WDR38: variants seen among roughly 807,000 people sequenced by gnomAD.
The protein encoded by WDR38 is WD repeat-containing protein 38.
WDR38 carries 37 observed loss-of-function variants against 36.6 expected under a neutral mutation model. That is an observed-to-expected ratio of 1.01 (90% CI 0.78 to 1.33). The LOEUF (loss-of-function observed/expected upper bound fraction) is 1.33. WDR38 is among the 40% of genes most tolerant of loss of function. The pLI is 0.00. For synonymous variants in WDR38, 164 were observed against 168.1 expected (o/e 0.98, Z 0.19); for missense variants, 411 against 414.6 (o/e 0.99, Z 0.07).
At chr9:124,856,050 C>T (rs754023232) in intron 4 of WDR38, 92 bp downstream of exon 4, 3 of 1,560,510 alleles carry the variant, frequency 1.9e-6, no homozygotes, top group Non-Finnish European at 2.6e-6. Flanking sequence ...TCAAACCCTC[C>T]ACTGGTTCCC....
At chr9:124,857,075 C>G (rs183466348) in intron 7 of WDR38, among the ~76,000 whole-genome samples, 194 bp downstream of exon 7, 244 of 152,348 alleles carry the variant, frequency 1.6e-3, no homozygotes, top group African/African-American at 5.2e-3. Context: ...GTTGCATTGA[C>G]ATTTCCATGA....
chr9:124,854,929 T>C (rs1829008861), intron 2 of WDR38, among the ~76,000 whole-genome samples: 1 of 152,196 alleles, frequency 6.6e-6, no homozygotes. Flanking sequence ...GTGACACCAA[T>C]CTCCAGAGCT....
In WDR38 at chr9:124,854,213, T is replaced by C. The variant is rs1289544676; in HGVS notation, c.78T>C (p.Ser26=). Residue 26 remains serine (S), a synonymous_variant, in exon 2 of 9, where the codon TCT becomes TCC. Transcript: ENST00000373574. ...TTTTGTGCTGTTTCTAGGTCAACTC[T>C]TCTGCCTTCTCCCCTGATGGCCAGA... The part of the protein sequence containing the change: ...FFGQHGGEVN[S]SAFSPDGQML... The C allele has an allele frequency of 6.2e-7, 1 of 1,614,090 alleles. No individual in the cohort carries two copies. The highest frequency in any genetic ancestry group is 8.5e-7 in the Non-Finnish European group (1 of 1,179,958).
In WDR38 at chr9:124,854,286, C is replaced by T. The variant is rs1588029514; in HGVS notation, c.151C>T (p.Arg51Trp). The T allele has an allele frequency of 4.3e-6, 7 of 1,614,024 alleles. No individual in the cohort carries two copies. Among genetic ancestry groups the T allele is most frequent in the Non-Finnish European group, 5.9e-6 (7 of 1,179,970 alleles). ...EDGCVYGWET[R>W]SGQLLWRLGG... ...TGGCTGCGTGTATGGCTGGGAGACC[C>T]GGAGTGGGCAGCTGCTGTGGAGGCT... Residue 51 changes from arginine (R) to tryptophan (W), a missense_variant, in exon 2 of 9, where the codon CGG becomes TGG. Transcript: ENST00000373574.
chr9:124,856,889 C>A lies in WDR38; in HGVS notation c.768+8C>A. On this transcript the variant is annotated splice_region_variant and intron_variant, in intron 7 of 8. Coordinates refer to ENST00000373574, the MANE Select transcript of WDR38 (RefSeq NM_001045476.3). ...GCCGGCTATTCCCGCATGGTAACCA[C>A]CCCGGGCCCATCCTGCTCCTACCTA... 1 of 1,613,526 alleles carries A rather than the reference C, an allele frequency of 6.2e-7. No individual in the cohort carries two copies. Among genetic ancestry groups the A allele is most frequent in the Non-Finnish European group, 8.5e-7 (1 of 1,180,024 alleles).
In WDR38 at chr9:124,855,696, T is replaced by G. The variant is rs748299411; in HGVS notation, c.253T>G (p.Cys85Gly). The change falls in exon 3 of 9, where the codon TGC becomes GGC. Residue 85 changes from cysteine to glycine, a missense_variant. Cys to Gly is a radical substitution (Grantham distance 159). Coordinates refer to ENST00000373574, the MANE Select transcript of WDR38 (RefSeq NM_001045476.3). ...GHLFASASCD[C>G]TVRLWDVARA... is the part of the protein sequence containing the mutation. ...CCTCTTCGCCAGCGCCTCCTGTGAC[T>G]GCACTGTCCGCCTGTGGGATGTGGC... 6.2e-7 allele frequency: 1 copy of G among 1,613,360 alleles called. No homozygotes were observed. Among genetic ancestry groups the G allele is most frequent in the South Asian group, 1.1e-5 (1 of 91,086 alleles).
rs1017205370 is a variant in WDR38, at chr9:124,857,512, A to C, written c.827A>C (p.Asp276Ala). The change falls in exon 9 of 9, where the codon GAT becomes GCT. Residue 276 changes from aspartate to alanine, a missense_variant. Asp to Ala is a moderately radical substitution (Grantham distance 126). Transcript: ENST00000373574. Reference sequence around the variant, plus strand: ...TTCTACTCTTAGCAGGGAGTCCTGGATGTGGCCCACACCTGTGCCTTCACC... The same window carrying C: ...TTCTACTCTTAGCAGGGAGTCCTGGCTGTGGCCCACACCTGTGCCTTCACC... ...KCLETLKGVLDVAHTCAFTPD... is the reference protein window; with the variant it reads ...KCLETLKGVLAVAHTCAFTPD... 2 of 1,614,100 alleles carry C rather than the reference A, an allele frequency of 1.2e-6. No individual in the cohort carries two copies. The highest frequency in any genetic ancestry group is 8.5e-7 in the Non-Finnish European group (1 of 1,179,998).
In WDR38 at chr9:124,857,383, A is replaced by T. The variant is rs1829107654; in HGVS notation, c.788A>T (p.Asn263Ile). Reference protein sequence around the residue: ...YSRMVKVWDCNTGKCLETLKG... With the variant: ...YSRMVKVWDCITGKCLETLKG... ...TTCCAGGTCAAAGTCTGGGACTGCA[A>T]CACAGGAAAGTGCCTTGAGACCCTG... Residue 263 changes from asparagine to isoleucine, a missense_variant, in exon 8 of 9, where the codon AAC (asparagine) becomes ATC (isoleucine). Asn to Ile is a moderately radical substitution (Grantham distance 149). Coordinates refer to ENST00000373574, the MANE Select transcript of WDR38 (RefSeq NM_001045476.3). 3.1e-6 allele frequency: 5 copies of T among 1,613,980 alleles called. No individual in the cohort carries two copies. The highest frequency in any genetic ancestry group is 4.2e-6 in the Non-Finnish European group (5 of 1,180,020).
chr9:124,855,641 G>C lies in WDR38; in HGVS notation c.198G>C (p.Val66=). ...LWRLGGHTGP[V]KFCRFSPDGH... Reference sequence around the variant, plus strand: ...CTGTGGCCACCCGCCCAGGCCCCGTGAAGTTCTGCCGCTTCTCCCCTGATG... The same window carrying C: ...CTGTGGCCACCCGCCCAGGCCCCGTCAAGTTCTGCCGCTTCTCCCCTGATG... Residue 66 remains valine (V), a synonymous_variant, in exon 3 of 9, where the codon GTG becomes GTC. Coordinates refer to ENST00000373574, the MANE Select transcript of WDR38 (RefSeq NM_001045476.3). 3.1e-6 allele frequency: 5 copies of C among 1,610,262 alleles called. No individual in the cohort carries two copies. Among genetic ancestry groups the C allele is most frequent in the Non-Finnish European group, 4.2e-6 (5 of 1,180,018 alleles).
chr9:124,855,973 T>C lies in WDR38; in HGVS notation c.405+15T>C. 1 of 1,613,742 alleles carries C rather than the reference T, an allele frequency of 6.2e-7. No homozygotes were observed. The highest frequency in any genetic ancestry group is 8.5e-7 in the Non-Finnish European group (1 of 1,179,696). ...GGGATGTGCAGGTACGTTGAGGGGC[T>C]GGGGCCACCAGTCTGGGATTCAAGG... is the stretch of plus-strand genomic sequence containing the variant. On this transcript the variant is annotated intron_variant, in intron 4 of 8. Transcript: ENST00000373574.
Position 124,857,424 on chromosome 9 carries a change from G to A in WDR38, c.816+13G>A, listed in dbSNP as rs73591045. The A allele has an allele frequency of 2.8e-4, 456 of 1,614,152 alleles. 1 individual carries two copies. The African/African-American group carries it at 5.0e-3, about 18-fold the overall frequency. ...TGAGACCCTGAAGGTAAGGCACGGC[G>A]CTGTGGCACTGAGGAAGCTGTGGAC... On this transcript the variant is annotated intron_variant, in intron 8 of 8. Coordinates refer to ENST00000373574, the MANE Select transcript of WDR38 (RefSeq NM_001045476.3).
chr9:124,856,276 G>A lies in WDR38; in HGVS notation c.442G>A (p.Asp148Asn). Residue 148 changes from aspartate (D) to asparagine (N), a missense_variant, in exon 5 of 9, where the codon GAC becomes AAC. Transcript: ENST00000373574. ...GCTGCGCCTCTTAGTTGGGCACCGT[G>A]ACTCCATCCAGAGCAGCGACTTCTC... ...QMLRLLVGHR[D>N]SIQSSDFSPT... 1 of 1,614,186 alleles carries A rather than the reference G, an allele frequency of 6.2e-7. No individual in the cohort carries two copies. The highest frequency in any genetic ancestry group is 8.5e-7 in the Non-Finnish European group (1 of 1,180,040).
Position 124,855,633 on chromosome 9 carries a change from G to A in WDR38, c.191-1G>A. 2 of 1,608,884 alleles carry A rather than the reference G, an allele frequency of 1.2e-6. No individual in the cohort carries two copies. The highest frequency in any genetic ancestry group is 2.2e-5 in the South Asian group (2 of 91,078). ...TCCCCTGACTGTGGCCACCCGCCCA[G>A]GCCCCGTGAAGTTCTGCCGCTTCTC... is the stretch of plus-strand genomic sequence containing the variant. On this transcript the variant is annotated splice_acceptor_variant, in intron 2 of 8. Coordinates refer to ENST00000373574, the MANE Select transcript of WDR38 (RefSeq NM_001045476.3). LOFTEE classifies it high-confidence loss of function.
chr9:124,856,748 A>C lies in WDR38; in HGVS notation c.635A>C (p.Asp212Ala). The C allele has an allele frequency of 6.2e-7, 1 of 1,614,196 alleles. No homozygotes were observed. ...GCTGTCCAGGCATCCGGCTCCTGGG[A>C]CAAGACCATCCACATCTGGAAGCCC... ...ASGLLASGSWDKTIHIWKPTT... is the reference protein window; with the variant it reads ...ASGLLASGSWAKTIHIWKPTT... The change falls in exon 7 of 9, where the codon GAC (aspartate) becomes GCC (alanine). Residue 212 changes from aspartate to alanine, a missense_variant. Transcript: ENST00000373574.
chr9:124,855,800 G>A (rs760454332), intron 3 of WDR38, 50 bp downstream of exon 3: 7 of 1,613,404 alleles, frequency 4.3e-6, no homozygotes, highest in African/African-American at 1.3e-5. Context: ...CTTTCAGATG[G>A]TGCTGTGTCC....
At position 124,856,717 on chromosome 9, in the gene WDR38, C is replaced by A. The variant is rs768371830; in HGVS notation, c.619-15C>A. 109 of 1,613,872 alleles carry A rather than the reference C, an allele frequency of 6.8e-5. No individual in the cohort carries two copies. Among genetic ancestry groups the A allele is most frequent in the Middle Eastern group, 1.6e-4 (1 of 6,082 alleles). On this transcript the variant is annotated splice_polypyrimidine_tract_variant and intron_variant, in intron 6 of 8. Coordinates refer to ENST00000373574, the MANE Select transcript of WDR38 (RefSeq NM_001045476.3). The stretch of plus-strand genomic sequence containing the variant: ...AGGCCCCAAACCCTGGGGATCAGAG[C>A]TGTCTGCTGTCCAGGCATCCGGCTC...
chr9:124,856,705 TG>T, intron 6 of WDR38, 26 bp from the exon 7 acceptor site: 1 of 1,613,696 alleles, frequency 6.2e-7, no homozygotes, highest in Non-Finnish European at 8.5e-7. Context: ...CCCCAAACCC[TG>T]GGGATCAGAG....
In WDR38 at chr9:124,855,624, A is replaced by G. The variant is rs765219515; in HGVS notation, c.191-10A>G. The G allele has an allele frequency of 6.2e-7, 1 of 1,606,426 alleles. No homozygotes were observed. The highest frequency in any genetic ancestry group is 2.2e-5 in the East Asian group (1 of 44,870). The stretch of plus-strand genomic sequence containing the variant: ...AGTGCTCTGTCCCCTGACTGTGGCC[A>G]CCCGCCCAGGCCCCGTGAAGTTCTG... On this transcript the variant is annotated splice_polypyrimidine_tract_variant and intron_variant, in intron 2 of 8. Coordinates refer to ENST00000373574, the MANE Select transcript of WDR38 (RefSeq NM_001045476.3).
At chr9:124,854,859 G>T (rs930964177) in intron 2 of WDR38, among the ~76,000 whole-genome samples, 1 of 152,146 alleles carries the variant, frequency 6.6e-6, no homozygotes, top group African/African-American at 2.4e-5. Context: ...CCACTGCACC[G>T]GCTTTGTTGT....
Sources: gnomAD v4.1 joint callset for allele counts (sites outside exome capture counted in the v4.1 genomes callset) on GRCh38, gnomAD v4.1.1 for gene constraint, MANE v1.5 for transcripts, NCBI Gene and HGNC (gene_info 2026-07-23, HGNC 2026-07-21) for gene names.